Variants in ADGRG7 observed in about 807,000 individuals in gnomAD.
ADGRG7 encodes G-protein coupled receptor 128.
Under a neutral mutation model 88.6 loss-of-function variants are expected in ADGRG7, and 82 were observed. That is an observed-to-expected ratio of 0.93 (90% CI 0.77 to 1.11). The LOEUF (loss-of-function observed/expected upper bound fraction) is 1.11, where lower values mean the gene tolerates loss of function less well. Ranked by LOEUF, ADGRG7 falls within the 50% of genes most tolerant of loss-of-function variation. ADGRG7 has a pLI of 0.00. For synonymous variants in ADGRG7, 381 were observed against 345.2 expected (o/e 1.10, Z -1.15); for missense variants, 945 against 953.4 (o/e 0.99, Z 0.12).
intron 15 of ADGRG7, among the ~76,000 whole-genome samples, chr3:100,676,023 G>A (rs188195681): frequency 6.6e-6 from 1 of 151,822 alleles, no homozygotes; most frequent in Admixed American, 6.6e-5. Context: ...CTGACTAAAT[G>A]TTTGTCAATT....
intron 14 of ADGRG7, among the ~76,000 whole-genome samples, chr3:100,664,550 T>C (rs2094949488): frequency 6.6e-6 from 1 of 152,222 alleles, no homozygotes; most frequent in South Asian, 2.1e-4. Context: ...CTGATCAATG[T>C]ACTTGTAATG....
At chr3:100,692,400 G>T (rs1286830217) in intron 15 of ADGRG7, among the ~76,000 whole-genome samples, 1 of 152,192 alleles carries the variant, frequency 6.6e-6, no homozygotes, top group Admixed American at 6.5e-5. Context: ...TGATCCATGG[G>T]CTTGTTGCCC....
chr3:100,646,163 T>A, intron 9 of ADGRG7, 55 bp downstream of exon 9: 1 of 1,217,368 alleles, frequency 8.2e-7, no homozygotes, highest in Non-Finnish European at 1.1e-6. Context: ...TTCTTTCTGA[T>A]GGTGGCAGCT....
chr3:100,677,340 CAA>C (rs916049347), intron 15 of ADGRG7, among the ~76,000 whole-genome samples: 3 of 151,984 alleles, frequency 2.0e-5, no homozygotes, highest in Non-Finnish European at 4.4e-5. Flanking sequence ...AACTAACAAA[CAA>C]AGAGAAAACT....
intron 13 of ADGRG7, among the ~76,000 whole-genome samples, chr3:100,659,283 CA>C (rs1340677885): frequency 6.7e-6 from 1 of 149,730 alleles, no homozygotes; most frequent in Non-Finnish European, 1.5e-5. Flanking sequence ...AAAAAAAATA[CA>C]AAAAAATCAG....
At chr3:100,651,283 T>C (rs556427514) in intron 11 of ADGRG7, among the ~76,000 whole-genome samples, 32 of 152,342 alleles carry the variant, frequency 2.1e-4, no homozygotes, top group Admixed American at 5.9e-4. Context: ...CAAATTGTGG[T>C]AAGTGCCTTG....
intron 13 of ADGRG7, among the ~76,000 whole-genome samples, 193 bp downstream of exon 13, chr3:100,656,188 T>A (rs1396967130): frequency 6.6e-6 from 1 of 152,204 alleles, no homozygotes; most frequent in Non-Finnish European, 1.5e-5. Flanking sequence ...TAAGTCCTTT[T>A]GTAAAGCAAG....
intron 13 of ADGRG7, among the ~76,000 whole-genome samples, chr3:100,658,178 C>G (rs2094940152): frequency 6.6e-6 from 1 of 152,110 alleles, no homozygotes. Flanking sequence ...TTCTTAATCC[C>G]CTACATACCA....
At chr3:100,694,588 T>G (rs2094999060) in intron 15 of ADGRG7, among the ~76,000 whole-genome samples, 156 bp from the exon 16 acceptor site, 1 of 152,186 alleles carries the variant, frequency 6.6e-6, no homozygotes, top group Non-Finnish European at 1.5e-5. Context: ...CTCAACCCTC[T>G]TAGATTAAAA....
chr3:100,675,354 T>C (rs1317986960), intron 15 of ADGRG7, among the ~76,000 whole-genome samples: 2 of 152,244 alleles, frequency 1.3e-5, no homozygotes, highest in East Asian at 3.8e-4. Context: ...GAAACAATCA[T>C]GTGGGTTTTG....
chr3:100,634,528 A>G (rs930803291), intron 4 of ADGRG7, among the ~76,000 whole-genome samples: 2 of 152,188 alleles, frequency 1.3e-5, no homozygotes, highest in Admixed American at 1.3e-4. Context: ...GATCACAGCT[A>G]AAAAGTGATA....
rs1004683429 is a variant in ADGRG7, at chr3:100,674,982, C to CT, written c.2136+5887dup. On this transcript the variant is annotated intron_variant, in intron 15 of 15. Transcript: ENST00000273352. ...CTTTACTGAATTTATCCATTCTAAT[C>CT]TTTTTTTTTTCTTGTGGAGTCTAGT... is the stretch of plus-strand genomic sequence containing the variant. Among the ~76,000 whole-genome samples the CT allele has an allele frequency of 2.9e-3, 441 of 150,338 alleles. 3 individuals are homozygous for CT. The highest frequency in any genetic ancestry group is 8.9e-3 in the African/African-American group (365 of 41,054).
chr3:100,657,085 T>C (rs1367996945), intron 13 of ADGRG7, among the ~76,000 whole-genome samples: 1 of 152,196 alleles, frequency 6.6e-6, no homozygotes, highest in Non-Finnish European at 1.5e-5. Context: ...TTCAGTTTAT[T>C]CACACTGAGC....
At chr3:100,693,962 G>T (rs1205190530) in intron 15 of ADGRG7, among the ~76,000 whole-genome samples, 6 of 152,218 alleles carry the variant, frequency 3.9e-5, no homozygotes, top group Non-Finnish European at 8.8e-5. Context: ...CCGTATATTG[G>T]ATAGAGGAGG....
At chr3:100,690,606 G>T (rs2094991577) in intron 15 of ADGRG7, among the ~76,000 whole-genome samples, 1 of 152,184 alleles carries the variant, frequency 6.6e-6, no homozygotes, top group African/African-American at 2.4e-5. Flanking sequence ...CTCAGCTGCA[G>T]GTCTGTTGGA....
intron 10 of ADGRG7, among the ~76,000 whole-genome samples, chr3:100,649,101 GA>G (rs1034779214): frequency 1.3e-5 from 2 of 152,110 alleles, no homozygotes; most frequent in African/African-American, 4.8e-5. Context: ...ATAATGTCAT[GA>G]ATAAGTGAGG....
At chr3:100,677,264 C>A (rs1309309841) in intron 15 of ADGRG7, among the ~76,000 whole-genome samples, 1 of 151,968 alleles carries the variant, frequency 6.6e-6, no homozygotes, top group South Asian at 2.1e-4. Flanking sequence ...TTTGAGGTTA[C>A]CACAAGGCTT....
chr3:100,623,043 A>G (rs921685216), intron 1 of ADGRG7, among the ~76,000 whole-genome samples: 128 of 152,162 alleles, frequency 8.4e-4, no homozygotes, highest in Non-Finnish European at 1.5e-3. Flanking sequence ...GATTACAGGC[A>G]GGAGCCACTG....
At chr3:100,628,233 T>C (rs776762679) in intron 1 of ADGRG7, among the ~76,000 whole-genome samples, 1 of 152,202 alleles carries the variant, frequency 6.6e-6, no homozygotes, top group South Asian at 2.1e-4. Context: ...TGCCTGTTTT[T>C]CATTGCTGTC....
Sources: allele counts gnomAD v4.1 joint callset (sites outside exome capture counted in the v4.1 genomes callset), GRCh38; gene constraint gnomAD v4.1.1; transcripts MANE v1.5; gene names NCBI Gene and HGNC (gene_info 2026-07-23, HGNC 2026-07-21).